The following NFASC variants were observed in gnomAD, a reference collection of about 807,000 sequenced individuals.
The protein encoded by NFASC is neurofascin, also known as neurofascin homolog.
In NFASC, 43 loss-of-function variants were observed where a neutral mutation model predicts 147.5. The ratio of observed to expected loss-of-function variants is 0.29; its 90% CI spans 0.23 to 0.38. The LOEUF (loss-of-function observed/expected upper bound fraction) is 0.38, where lower values mean the gene tolerates loss of function less well. NFASC is among the 10% of genes least tolerant of loss of function. The pLI, the probability that NFASC is intolerant of heterozygous loss-of-function variation, is 1.00. For missense variants in NFASC, 1,320 were observed against 1,689.0 expected (o/e 0.78, Z 3.83); for synonymous variants, 622 against 665.5 (o/e 0.93, Z 1.01).
rs1363244572 is a variant in NFASC, at chr1:205,015,713, A to G, written c.3492-595A>G. Reference sequence around the variant, plus strand: ...TGCGCACCTGTGCTTGCTAGGCCCAAAGCAATAACATCTTTTTATAGATCA... The same window carrying G: ...TGCGCACCTGTGCTTGCTAGGCCCAGAGCAATAACATCTTTTTATAGATCA... On this transcript the variant is annotated intron_variant, in intron 29 of 29. Transcript: ENST00000339876. This position sits in a 1 kb window ranked among gnomAD's most constrained non-coding sequence, Gnocchi z 4.0. 2.0e-5 allele frequency among the ~76,000 whole-genome samples: 3 copies of G among 152,038 alleles called. No homozygotes were observed. The highest frequency in any genetic ancestry group is 1.3e-4 in the Admixed American group (2 of 15,258).
At chr1:205,011,834 C>T (rs1374320312) in intron 28 of NFASC, among the ~76,000 whole-genome samples, 1 of 151,866 alleles carries the variant, frequency 6.6e-6, no homozygotes, top group East Asian at 1.9e-4. Context: ...AATCCCAGCA[C>T]TTTGGGAGGC....
At chr1:204,837,465 A>C (rs1055322404) in intron 1 of NFASC, among the ~76,000 whole-genome samples, 4 of 152,084 alleles carry the variant, frequency 2.6e-5, no homozygotes, top group African/African-American at 9.7e-5. Context: ...CTGAGGAGTG[A>C]ATTTTTTTGG....
intron 1 of NFASC, among the ~76,000 whole-genome samples, chr1:204,863,802 C>T (rs1420581700): frequency 2.1e-5 from 3 of 146,082 alleles, no homozygotes; most frequent in African/African-American, 5.1e-5. Context: ...GAGCCAAGAT[C>T]GCGCCACTTT....
chr1:204,951,654 A>G (rs1313912548), intron 4 of NFASC, among the ~76,000 whole-genome samples: 1 of 151,682 alleles, frequency 6.6e-6, no homozygotes, highest in Non-Finnish European at 1.5e-5. Context: ...ATTTTTTAGT[A>G]GAGACGGGGT....
At chr1:205,012,925 A>ACCCT in intron 29 of NFASC, 59 bp downstream of exon 29, 1 of 1,233,696 alleles carries the variant, frequency 8.1e-7, no homozygotes, top group Non-Finnish European at 1.2e-6. Context: ...CTGAGGCACC[A>ACCCT]CCCTCCCCTC....
intron 2 of NFASC, among the ~76,000 whole-genome samples, chr1:204,943,604 G>A (rs974969756): frequency 5.9e-5 from 9 of 152,144 alleles, no homozygotes; most frequent in Admixed American, 5.9e-4. Context: ...TCCTTTGTGC[G>A]CCAAGTCTTC....
At chr1:204,833,847 C>G (rs1672931583) in intron 1 of NFASC, among the ~76,000 whole-genome samples, 1 of 152,206 alleles carries the variant, frequency 6.6e-6, no homozygotes, top group African/African-American at 2.4e-5. Flanking sequence ...CTACTACTTG[C>G]TAGCTGCATA....
intron 8 of NFASC, among the ~76,000 whole-genome samples, chr1:204,961,386 G>A (rs1007767249): frequency 1.3e-5 from 2 of 152,200 alleles, no homozygotes; most frequent in Non-Finnish European, 2.9e-5. Flanking sequence ...ACTTTCTCCT[G>A]TCCCAAGCTC....
intron 1 of NFASC, among the ~76,000 whole-genome samples, chr1:204,871,378 C>T (rs1226826631): frequency 6.6e-6 from 1 of 152,116 alleles, no homozygotes; most frequent in East Asian, 1.9e-4. Context: ...CTCCAAAGCC[C>T]CTGTGTGGGT....
chr1:204,984,349 A>G lies in NFASC; in HGVS notation c.2470+2329A>G, dbSNP rs1250352388. The G allele has an allele frequency of 1.6e-5, 5 of 305,330 alleles. No individual in the cohort carries two copies. The Admixed American group carries it at 1.9e-4, about 12-fold the overall frequency. The allele number at this position is 305,330 out of a possible 1,614,324, so 18.9% of individuals were successfully genotyped here. On this transcript the variant is annotated intron_variant, in intron 21 of 29. Transcript: ENST00000339876. Reference sequence around the variant, plus strand: ...TATATATATGTGTGTGTGTGTGTATATATATATATGTGTGTGTGTGTATAT... The same window carrying G: ...TATATATATGTGTGTGTGTGTGTATGTATATATATGTGTGTGTGTGTATAT...
At chr1:204,992,541 A>G (rs906397574) in intron 24 of NFASC, among the ~76,000 whole-genome samples, 1 of 152,104 alleles carries the variant, frequency 6.6e-6, no homozygotes, top group Non-Finnish European at 1.5e-5. Flanking sequence ...GCCTCCCCAC[A>G]AGGTCTGAAC....
chr1:204,980,575 C>T (rs2095492771), intron 20 of NFASC, 135 bp downstream of exon 20: 5 of 665,704 alleles, frequency 7.5e-6, no homozygotes, highest in Non-Finnish European at 1.3e-5. Context: ...GGCCATTCTT[C>T]TTTGAGAAAC....
chr1:204,948,340 A>G (rs150917563), intron 3 of NFASC, among the ~76,000 whole-genome samples: 99 of 152,300 alleles, frequency 6.5e-4, no homozygotes, highest in African/African-American at 2.3e-3. Flanking sequence ...CCTGTAAGAA[A>G]TTCCTTAGTA....
At chr1:204,932,149 ATAT>A (rs1262564959) in intron 2 of NFASC, among the ~76,000 whole-genome samples, 1 of 152,186 alleles carries the variant, frequency 6.6e-6, no homozygotes, top group Non-Finnish European at 1.5e-5. Flanking sequence ...GGTTTACCCT[ATAT>A]TCAGAGAAAA....
intron 1 of NFASC, among the ~76,000 whole-genome samples, chr1:204,863,756 A>G (rs547242281): frequency 6.2e-4 from 94 of 151,746 alleles, no homozygotes; most frequent in Non-Finnish European, 1.2e-3. Context: ...CCTGAGCCAG[A>G]AGAATTGCTT....
intron 1 of NFASC, among the ~76,000 whole-genome samples, chr1:204,914,036 A>G (rs1175281022): frequency 2.6e-5 from 4 of 152,248 alleles, no homozygotes; most frequent in Non-Finnish European, 4.4e-5. Flanking sequence ...CAACTATGAA[A>G]AAAATTTCAT....
In NFASC at chr1:205,017,709, C is replaced by T. The variant is rs1034376648; in HGVS notation, c.*1170C>T. The T allele has an allele frequency of 6.5e-6, 1 of 152,810 alleles. No homozygotes were observed. Among genetic ancestry groups the T allele is most frequent in the African/African-American group, 2.4e-5 (1 of 41,466 alleles). 9.5% of individuals were successfully genotyped at this position (152,810 alleles called of 1,614,324 possible). A position where few individuals can be genotyped will look rare whatever the true frequency, so the allele number is the denominator to read the frequency against. ...CATCTTCTCAGCCAATTCTGTAGGA[C>T]ACTGAGGCTCTTGTTTGACATGGTG... On this transcript the variant is annotated 3_prime_UTR_variant, in exon 30 of 30. Coordinates refer to ENST00000339876, the MANE Select transcript of NFASC (RefSeq NM_001005388.3).
chr1:204,969,245 G>T (rs564095378), intron 10 of NFASC, among the ~76,000 whole-genome samples: 1 of 152,284 alleles, frequency 6.6e-6, no homozygotes, highest in Non-Finnish European at 1.5e-5. Flanking sequence ...CCCTCAGCGG[G>T]TGAATTTCCT....
intron 4 of NFASC, 145 bp from the exon 5 acceptor site, chr1:204,951,866 G>T: frequency 1.6e-6 from 1 of 606,444 alleles, no homozygotes. Context: ...TCTCTAGAAT[G>T]GGGCCCTGTT....
Sources: allele counts gnomAD v4.1 joint callset (sites outside exome capture counted in the v4.1 genomes callset), GRCh38; gene constraint gnomAD v4.1.1; non-coding constraint Gnocchi (gnomAD v3.1); transcripts MANE v1.5; gene names NCBI Gene and HGNC (gene_info 2026-07-23, HGNC 2026-07-21).